The following KNL1 variants were observed in gnomAD, a reference collection of about 807,000 sequenced individuals.
The protein encoded by KNL1 is outer kinetochore KNL1 complex subunit KNL1.
KNL1 carries 66 observed loss-of-function variants against 201.3 expected under a neutral mutation model. The observed-to-expected ratio is 0.33, with a 90% CI of 0.27 to 0.40. KNL1 has a LOEUF of 0.40. Ranked by LOEUF, KNL1 falls within the 10% of genes least tolerant of loss-of-function variation. The probability of loss-of-function intolerance (pLI) is 1.00; values close to 1 mark genes in which losing one functional copy is unlikely to be tolerated. For synonymous variants in KNL1, 895 were observed against 899.2 expected (o/e 1.00, Z 0.08); for missense variants, 2,815 against 2,690.5 (o/e 1.05, Z -1.02).
intron 14 of KNL1, among the ~76,000 whole-genome samples, chr15:40,642,243 C>T (rs1032457351): frequency 5.9e-5 from 9 of 151,904 alleles, no homozygotes; most frequent in African/African-American, 1.9e-4. Flanking sequence ...ACTAAAAATA[C>T]GAAAAATTAG....
chr15:40,610,898 C>T (rs1255376963), intron 6 of KNL1: 10 of 449,258 alleles, frequency 2.2e-5, no homozygotes, highest in South Asian at 1.6e-4. Context: ...TACAGGCATG[C>T]ACCACCACAC....
In KNL1 at chr15:40,615,329, T is replaced by C. The variant is rs1432706327; in HGVS notation, c.285-12T>C. On this transcript the variant is annotated splice_polypyrimidine_tract_variant and intron_variant, in intron 7 of 25. Transcript: ENST00000399668. ...TGGGGTATAGATTATAAAAATACTT[T>C]TTAATTTTTAGGAATAAGAAATTAG... is the stretch of plus-strand genomic sequence containing the variant. 2 of 669,572 alleles carry C rather than the reference T, an allele frequency of 3.0e-6. No individual in the cohort carries two copies. Among genetic ancestry groups the C allele is most frequent in the African/African-American group, 1.9e-5 (1 of 53,170 alleles). 41.5% of individuals were successfully genotyped at this position (669,572 alleles called of 1,614,324 possible).
intron 13 of KNL1, among the ~76,000 whole-genome samples, chr15:40,637,486 A>G (rs1893092254): frequency 6.6e-6 from 1 of 152,120 alleles, no homozygotes; most frequent in African/African-American, 2.4e-5. Flanking sequence ...GATATACTCC[A>G]GGTTGAGCAT....
intron 13 of KNL1, among the ~76,000 whole-genome samples, chr15:40,635,728 C>T (rs1037670853): frequency 6.6e-6 from 1 of 152,218 alleles, no homozygotes; most frequent in South Asian, 2.1e-4. Flanking sequence ...CCCATATATA[C>T]GTACAGTTGC....
chr15:40,628,402 A>G (rs1438198803), intron 11 of KNL1, among the ~76,000 whole-genome samples, 194 bp downstream of exon 11: 1 of 152,186 alleles, frequency 6.6e-6, no homozygotes, highest in Admixed American at 6.6e-5. Context: ...TACTACAGAG[A>G]AATAGAGTGA....
At chr15:40,634,349 C>T (rs1567014987) in intron 13 of KNL1, among the ~76,000 whole-genome samples, 1 of 152,050 alleles carries the variant, frequency 6.6e-6, no homozygotes, top group South Asian at 2.1e-4. Context: ...TCGTGACCCG[C>T]CCACCTCAGC....
intron 22 of KNL1, among the ~76,000 whole-genome samples, chr15:40,656,364 C>T (rs1175457589): frequency 1.3e-5 from 2 of 151,818 alleles, no homozygotes; most frequent in Non-Finnish European, 2.9e-5. Context: ...ATCCGGGAGG[C>T]GGAGGTTGCA....
intron 22 of KNL1, among the ~76,000 whole-genome samples, chr15:40,656,004 T>C (rs1246585859): frequency 6.6e-6 from 1 of 152,220 alleles, no homozygotes; most frequent in Non-Finnish European, 1.5e-5. Context: ...TATGAGCACT[T>C]AGTCTGTATC....
intron 10 of KNL1, among the ~76,000 whole-genome samples, chr15:40,627,103 C>T (rs1892776172): frequency 6.6e-6 from 1 of 152,184 alleles, no homozygotes; most frequent in African/African-American, 2.4e-5. Flanking sequence ...CAATGTTGGC[C>T]AGGCTGGTCT....
intron 13 of KNL1, 124 bp downstream of exon 13, chr15:40,629,495 CTTTTTTTTTTTTTTT>C (rs386382806): frequency 1.1e-3 from 195 of 177,812 alleles, no homozygotes; most frequent in South Asian, 1.8e-3. Flanking sequence ...TTTGCCTTTT[CTTTTTTTTTTTTTTT>C]TTTTTTTTTT....
At chr15:40,640,016 T>G (rs147498521) in intron 13 of KNL1, among the ~76,000 whole-genome samples, 35 of 152,206 alleles carry the variant, frequency 2.3e-4, no homozygotes, top group African/African-American at 7.5e-4. Context: ...GAGATTCAGT[T>G]GTAGGGTTTT....
chr15:40,633,372 T>C (rs1892969988), intron 13 of KNL1, among the ~76,000 whole-genome samples: 1 of 151,960 alleles, frequency 6.6e-6, no homozygotes, highest in South Asian at 2.1e-4. Flanking sequence ...AGTGACATTG[T>C]AATGTAGCAC....
rs564666705 is a variant in KNL1 at position 40,641,513 on chromosome 15, G to A, written c.5798+486G>A. ...TCTGAAATGCTCCAAAATCCAAAAT[G>A]TTTTAGCCACCAACATGATGCAAGT... On this transcript the variant is annotated intron_variant, in intron 14 of 25. Coordinates refer to ENST00000399668, the MANE Select transcript of KNL1 (RefSeq NM_144508.5). Among the ~76,000 whole-genome samples, 6 of 152,240 alleles carry A rather than the reference G, an allele frequency of 3.9e-5. No individual in the cohort carries two copies. The South Asian group carries it at 1.2e-3, about 32-fold the overall frequency.
At chr15:40,647,221 T>A in intron 17 of KNL1, 147 bp downstream of exon 17, 1 of 519,254 alleles carries the variant, frequency 1.9e-6, no homozygotes, top group Admixed American at 3.3e-5. Context: ...ACGCCTGTAA[T>A]CCCAGCACTT....
intron 14 of KNL1, among the ~76,000 whole-genome samples, chr15:40,642,344 A>T (rs1468270299): frequency 6.6e-6 from 1 of 151,766 alleles, no homozygotes; most frequent in African/African-American, 2.4e-5. Context: ...GCTTGCAGTG[A>T]GCTGAGATCG....
At position 40,608,797 on chromosome 15, in the gene KNL1, A is replaced by G. The variant is rs1892060275; in HGVS notation, c.136-50A>G. ...TCTGTCTATAGTACTCTGGAGATGT[A>G]ATTCACAGTGATTTTATTAAGAATT... On this transcript the variant is annotated intron_variant, in intron 4 of 25. Coordinates refer to ENST00000399668, the MANE Select transcript of KNL1 (RefSeq NM_144508.5). The G allele has an allele frequency of 2.3e-6, 3 of 1,311,068 alleles. No individual in the cohort carries two copies. In the African/African-American group the frequency reaches 4.4e-5, roughly 19 times the overall value. The allele number at this position is 1,311,068 out of a possible 1,614,324, so 81.2% of individuals were successfully genotyped here.
intron 10 of KNL1, among the ~76,000 whole-genome samples, chr15:40,626,980 C>A (rs951624126): frequency 6.6e-6 from 1 of 152,314 alleles, no homozygotes; most frequent in East Asian, 1.9e-4. Flanking sequence ...CTGCAACCTC[C>A]GCCTCCCAGG....
Position 40,610,276 on chromosome 15 carries a change from G to A in KNL1, c.229G>A (p.Val77Met), listed in dbSNP as rs576372318. 2 of 1,539,350 alleles carry A rather than the reference G, an allele frequency of 1.3e-6. No homozygotes were observed. The highest frequency in any genetic ancestry group is 1.4e-5 in the African/African-American group (1 of 73,224). ...CCAGACGGAGTCTCATATGAAAATA[G>A]TGAGAAAGTCAGAAATGGAAGGTAA... The part of the protein sequence containing the change: ...VFQTESHMKI[V>M]RKSEMEETET... The change falls in exon 6 of 26, where the codon GTG (valine) becomes ATG (methionine). Residue 77 changes from valine (V) to methionine (M), a missense_variant. Val to Met is a conservative substitution (Grantham distance 21). This residue lies in a region of KNL1 where 2,464 missense variants were observed against 2,291.7 expected (regional missense o/e 1.08). Transcript: ENST00000399668.
At chr15:40,631,127 A>G (rs1892900829) in intron 13 of KNL1, among the ~76,000 whole-genome samples, 1 of 151,002 alleles carries the variant, frequency 6.6e-6, no homozygotes. Flanking sequence ...CAAAAAATAA[A>G]AATAAAAATA....
Sources: gnomAD v4.1 joint callset for allele counts (sites outside exome capture counted in the v4.1 genomes callset) on GRCh38, gnomAD v4.1.1 for gene constraint, gnomAD v4.1.1 regional missense constraint, MANE v1.5 for transcripts, NCBI Gene and HGNC (gene_info 2026-07-23, HGNC 2026-07-21) for gene names.